Variants in TRPC4 observed in about 807,000 individuals in gnomAD.
The protein encoded by TRPC4 is short transient receptor potential channel 4.
A neutral mutation model predicts 99.4 loss-of-function variants in TRPC4; 49 were observed. That is an observed-to-expected ratio of 0.49 (90% CI 0.39 to 0.63). The LOEUF (loss-of-function observed/expected upper bound fraction) is 0.63, where lower values mean the gene tolerates loss of function less well. TRPC4 is among the 20% of genes least tolerant of loss of function. The pLI, the probability that TRPC4 is intolerant of heterozygous loss-of-function variation, is 0.00. For synonymous variants in TRPC4, 454 were observed against 425.9 expected (o/e 1.07, Z -0.81); for missense variants, 898 against 1,152.9 (o/e 0.78, Z 3.20).
intron 3 of TRPC4, among the ~76,000 whole-genome samples, chr13:37,699,758 C>T (rs1388820013): frequency 1.3e-5 from 2 of 152,184 alleles, no homozygotes; most frequent in Non-Finnish European, 2.9e-5. Flanking sequence ...AGGGGCATGA[C>T]ATTTGATGTC....
intron 2 of TRPC4, among the ~76,000 whole-genome samples, chr13:37,761,155 T>C (rs1288756873): frequency 6.6e-6 from 1 of 151,982 alleles, no homozygotes; most frequent in African/African-American, 2.4e-5. Flanking sequence ...AGTCTAATGA[T>C]GATAACATAA....
chr13:37,842,552 A>T (rs755041307), intron 1 of TRPC4, among the ~76,000 whole-genome samples: 5 of 152,118 alleles, frequency 3.3e-5, no homozygotes, highest in African/African-American at 4.8e-5. Context: ...TAGCTATGAA[A>T]GCTGGGAAGT....
intron 3 of TRPC4, among the ~76,000 whole-genome samples, chr13:37,719,144 C>T (rs540389173): frequency 7.9e-5 from 12 of 152,108 alleles, no homozygotes; most frequent in Admixed American, 3.9e-4. Context: ...ATGCTGACTA[C>T]GAAAGACAAA....
At chr13:37,834,938 T>C (rs929009160) in intron 1 of TRPC4, among the ~76,000 whole-genome samples, 5 of 152,114 alleles carry the variant, frequency 3.3e-5, no homozygotes, top group African/African-American at 9.7e-5. Flanking sequence ...TTTCACCAAG[T>C]TGGCCAGGCT....
chr13:37,860,787 G>A (rs912964755), intron 1 of TRPC4, among the ~76,000 whole-genome samples: 1 of 151,478 alleles, frequency 6.6e-6, no homozygotes, highest in Non-Finnish European at 1.5e-5. Flanking sequence ...TCCAATCCTA[G>A]ATCCAATTAG....
At chr13:37,723,668 C>G (rs1332472973) in intron 3 of TRPC4, among the ~76,000 whole-genome samples, 1 of 152,096 alleles carries the variant, frequency 6.6e-6, no homozygotes, top group East Asian at 1.9e-4. Context: ...TCTGCCTCAG[C>G]CTTCTGAGTA....
In TRPC4 at chr13:37,634,155, C is replaced by G. The variant is rs1230453153; in HGVS notation, c.*2748G>C. 1.3e-5 allele frequency among the ~76,000 whole-genome samples: 2 copies of G among 151,988 alleles called. No homozygotes were observed. The highest frequency in any genetic ancestry group is 2.9e-5 in the Non-Finnish European group (2 of 67,954). ...TGTAAATGAAGGTAATTTCAAAGTT[C>G]TCTGTAGCATTTAGAAATTTCTGTG... is the stretch of plus-strand genomic sequence containing the variant. On this transcript the variant is annotated 3_prime_UTR_variant, in exon 11 of 11. Transcript: ENST00000379705.
At chr13:37,712,992 G>A (rs552981056) in intron 3 of TRPC4, among the ~76,000 whole-genome samples, 3 of 152,174 alleles carry the variant, frequency 2.0e-5, no homozygotes, top group Non-Finnish European at 4.4e-5. Context: ...CTCTATGTCA[G>A]GCTAACTAAG....
chr13:37,857,906 T>C (rs750822940), intron 1 of TRPC4, among the ~76,000 whole-genome samples: 3 of 151,526 alleles, frequency 2.0e-5, no homozygotes, highest in Non-Finnish European at 4.4e-5. Context: ...AAAGCAGAAA[T>C]GGACAAATGG....
chr13:37,655,055 A>C, intron 7 of TRPC4, 33 bp downstream of exon 7: 2 of 1,437,810 alleles, frequency 1.4e-6, no homozygotes, highest in Non-Finnish European at 1.9e-6. Flanking sequence ...TTCTAGAGGA[A>C]ACATTGAATT....
chr13:37,862,595 A>T (rs577467477), intron 1 of TRPC4, among the ~76,000 whole-genome samples: 1 of 151,650 alleles, frequency 6.6e-6, no homozygotes, highest in Admixed American at 6.6e-5. Flanking sequence ...AATATAATTT[A>T]TGTTATTTAT....
intron 3 of TRPC4, among the ~76,000 whole-genome samples, chr13:37,745,537 CGT>C (rs767818829): frequency 7.2e-4 from 46 of 63,592 alleles, no homozygotes; most frequent in South Asian, 4.2e-3. Context: ...TGTATATATA[CGT>C]ATATATATAT....
At chr13:37,835,672 G>A (rs1300447428) in intron 1 of TRPC4, among the ~76,000 whole-genome samples, 2 of 152,204 alleles carry the variant, frequency 1.3e-5, no homozygotes, top group East Asian at 3.9e-4. Flanking sequence ...TAAGTGAGTA[G>A]CCAAAAAAAG....
chr13:37,864,515 G>T (rs1459406481), intron 1 of TRPC4, among the ~76,000 whole-genome samples: 1 of 151,552 alleles, frequency 6.6e-6, no homozygotes, highest in African/African-American at 2.4e-5. Context: ...ATAAAAATAT[G>T]CTAAAAGTTT....
rs1404739460 is a variant in TRPC4 at position 37,764,779 on chromosome 13, C to T, written c.378+18177G>A. ...GTTTTTTTTGTTTTGTTTTGTTTTC[C>T]CCTATCATTGATAGATATAAATTTT... On this transcript the variant is annotated intron_variant, in intron 2 of 10. Transcript: ENST00000379705. Among the ~76,000 whole-genome samples, 4 of 146,232 alleles carry T rather than the reference C, an allele frequency of 2.7e-5. No homozygotes were observed. In the Admixed American group the frequency reaches 2.7e-4, roughly 10 times the overall value.
At chr13:37,688,163 T>A (rs1412489008) in intron 4 of TRPC4, among the ~76,000 whole-genome samples, 1 of 152,192 alleles carries the variant, frequency 6.6e-6, no homozygotes, top group East Asian at 1.9e-4. Flanking sequence ...TACAAGCAAG[T>A]CTGAAGTAAA....
At chr13:37,745,209 G>A (rs1208163662) in intron 3 of TRPC4, among the ~76,000 whole-genome samples, 1 of 151,472 alleles carries the variant, frequency 6.6e-6, no homozygotes, top group African/African-American at 2.4e-5. Context: ...TTGTCCCCAA[G>A]CATCTGTGGG....
At chr13:37,680,495 T>C (rs937572196) in intron 4 of TRPC4, among the ~76,000 whole-genome samples, 9 of 152,178 alleles carry the variant, frequency 5.9e-5, no homozygotes, top group African/African-American at 2.2e-4. Flanking sequence ...ACTGCATAAA[T>C]TGCCAACGAT....
chr13:37,635,834 C>G lies in TRPC4; in HGVS notation c.*1069G>C, dbSNP rs528087989. Among the ~76,000 whole-genome samples the G allele has an allele frequency of 2.6e-5, 4 of 151,964 alleles. No individual in the cohort carries two copies. Among genetic ancestry groups the G allele is most frequent in the African/African-American group, 9.7e-5 (4 of 41,402 alleles). On this transcript the variant is annotated 3_prime_UTR_variant, in exon 11 of 11. Transcript: ENST00000379705. Reference sequence around the variant, plus strand: ...TTTTCCTATAGGCAAAACTATATATCTATATCTGCTGATAAAATTAATAAT... The same window carrying G: ...TTTTCCTATAGGCAAAACTATATATGTATATCTGCTGATAAAATTAATAAT...
Sources: gnomAD v4.1 joint callset for allele counts (sites outside exome capture counted in the v4.1 genomes callset) on GRCh38, gnomAD v4.1.1 for gene constraint, MANE v1.5 for transcripts, NCBI Gene and HGNC (gene_info 2026-07-23, HGNC 2026-07-21) for gene names.